CRTC1: variants seen among roughly 807,000 people sequenced by gnomAD.
CRTC1 encodes the protein CREB-regulated transcription coactivator 1.
A neutral mutation model predicts 66.1 loss-of-function variants in CRTC1; 18 were observed. That is an observed-to-expected ratio of 0.27 (90% CI 0.19 to 0.40). The LOEUF is 0.40. CRTC1 is among the 10% of genes least tolerant of loss of function. The probability of loss-of-function intolerance (pLI) is 1.00; values close to 1 mark genes in which losing one functional copy is unlikely to be tolerated. For missense variants in CRTC1, 669 were observed against 887.9 expected (o/e 0.75, Z 3.13); for synonymous variants, 416 against 398.8 (o/e 1.04, Z -0.51).
intron 6 of CRTC1, among the ~76,000 whole-genome samples, chr19:18,758,237 G>A (rs1320010480): frequency 1.3e-5 from 2 of 150,696 alleles, no homozygotes; most frequent in East Asian, 3.9e-4. Context: ...GCGGGCACCT[G>A]TAGTCCCAGC....
At chr19:18,747,950 G>A (rs1457311301) in intron 4 of CRTC1, among the ~76,000 whole-genome samples, 1 of 151,948 alleles carries the variant, frequency 6.6e-6, no homozygotes, top group African/African-American at 2.4e-5. Flanking sequence ...AGTAGTGCAC[G>A]CCTGTACTCC....
In CRTC1 at chr19:18,768,855, G is replaced by A. The variant is rs2054799059; in HGVS notation, c.1320+62G>A. 1.5e-5 allele frequency: 23 copies of A among 1,514,454 alleles called. No homozygotes were observed. The South Asian group carries it at 2.7e-4, about 18-fold the overall frequency. 93.8% of individuals were successfully genotyped at this position (1,514,454 alleles called of 1,614,324 possible). ...GGGTCTTGTAGAGGACAGCCCGGGG[G>A]CTGCAGAACAGTCGGGTTACCTGCT... On this transcript the variant is annotated intron_variant, in intron 10 of 13. Coordinates refer to ENST00000321949, the MANE Select transcript of CRTC1 (RefSeq NM_015321.3). The surrounding 1 kb of genome is among the most constrained non-coding windows in gnomAD (Gnocchi z 5.6).
chr19:18,700,167 T>G (rs2053098813), intron 1 of CRTC1, among the ~76,000 whole-genome samples: 1 of 152,150 alleles, frequency 6.6e-6, no homozygotes, highest in Admixed American at 6.5e-5. Context: ...AATTCCCCCT[T>G]CTCTGTACTT....
At chr19:18,690,972 G>A (rs2052816705) in intron 1 of CRTC1, among the ~76,000 whole-genome samples, 1 of 149,650 alleles carries the variant, frequency 6.7e-6, no homozygotes, top group Admixed American at 6.7e-5. Flanking sequence ...CTTGCAGTGA[G>A]CCGAGATCAC....
chr19:18,762,351 C>T (rs1006928990), intron 8 of CRTC1, among the ~76,000 whole-genome samples: 1 of 152,230 alleles, frequency 6.6e-6, no homozygotes, highest in Admixed American at 6.5e-5. Context: ...GTTTGTGAAC[C>T]TGCCGCCCAA....
intron 1 of CRTC1, among the ~76,000 whole-genome samples, chr19:18,685,461 A>T (rs780576154): frequency 6.6e-5 from 10 of 152,190 alleles, no homozygotes; most frequent in Non-Finnish European, 1.5e-4. Context: ...GTTCGAGACC[A>T]GCCTGGCCAA....
At chr19:18,763,416 G>T (rs1325195859) in intron 8 of CRTC1, among the ~76,000 whole-genome samples, 1 of 152,114 alleles carries the variant, frequency 6.6e-6, no homozygotes, top group Non-Finnish European at 1.5e-5. Context: ...TATTCAGGAC[G>T]GTCACCCTGT....
In CRTC1 at chr19:18,779,717, C is replaced by G. The variant is rs1259465924; in HGVS notation, c.*2335C>G. On this transcript the variant is annotated 3_prime_UTR_variant, in exon 14 of 14. Coordinates refer to ENST00000321949, the MANE Select transcript of CRTC1 (RefSeq NM_015321.3). The stretch of plus-strand genomic sequence containing the variant: ...GAGGGATGCCCACCTCGGAGCATCC[C>G]AGGCCCGTGGCCCATTTTCAGCATC... 1 of 224,128 alleles carries G rather than the reference C, an allele frequency of 4.5e-6. No individual in the cohort carries two copies. The highest frequency in any genetic ancestry group is 8.9e-6 in the Non-Finnish European group (1 of 112,440). 13.9% of individuals were successfully genotyped at this position (224,128 alleles called of 1,614,324 possible).
At chr19:18,770,010 C>T (rs1239883324) in intron 10 of CRTC1, among the ~76,000 whole-genome samples, 6 of 150,918 alleles carry the variant, frequency 4.0e-5, no homozygotes, top group Admixed American at 6.6e-5. Flanking sequence ...CGCCACCCCC[C>T]GCCCTACCCC....
rs374203243 is a variant in CRTC1 at position 18,693,054 on chromosome 19, G to A, written c.126+9226G>A. Among the ~76,000 whole-genome samples, 648 of 123,444 alleles carry A rather than the reference G, an allele frequency of 5.2e-3. 5 individuals carry two copies. The highest frequency in any genetic ancestry group is 0.02 in the African/African-American group (610 of 30,106). The allele number at this position is 123,444 out of a possible 152,430, so 81.0% of individuals were successfully genotyped here. On this transcript the variant is annotated intron_variant, in intron 1 of 13. Coordinates refer to ENST00000321949, the MANE Select transcript of CRTC1 (RefSeq NM_015321.3). ...AGTGCCACTGTACTCCAGCCTGGGC[G>A]ACAGAGCGAGACTCCGTCTCAAAAA...
intron 1 of CRTC1, among the ~76,000 whole-genome samples, chr19:18,704,126 T>G (rs1568485723): frequency 6.6e-6 from 1 of 152,224 alleles, no homozygotes; most frequent in Non-Finnish European, 1.5e-5. Flanking sequence ...TTTATATTTT[T>G]TCTTTTTTTA....
chr19:18,764,530 C>G (rs866739049), intron 8 of CRTC1, among the ~76,000 whole-genome samples: 2 of 152,248 alleles, frequency 1.3e-5, no homozygotes, highest in African/African-American at 4.8e-5. Flanking sequence ...AGCTTCATCA[C>G]TGCAGCAGAA....
rs751862704 is a variant in CRTC1, at chr19:18,768,781, C to G, written c.1308C>G (p.Ile436Met). The G allele has an allele frequency of 1.9e-6, 3 of 1,600,998 alleles. No homozygotes were observed. Among genetic ancestry groups the G allele is most frequent in the East Asian group, 4.5e-5 (2 of 44,348 alleles). The change falls in exon 10 of 14, where the codon ATC becomes ATG. Residue 436 changes from isoleucine to methionine, a missense_variant. By Grantham distance (10) the Ile-to-Met change is conservative. Around this residue, in one of 8 missense-constraint regions of CRTC1, gnomAD observed 241 missense variants for 242.2 expected, o/e 0.99. Coordinates refer to ENST00000321949, the MANE Select transcript of CRTC1 (RefSeq NM_015321.3). The surrounding 1 kb of genome is among the most constrained non-coding windows in gnomAD (Gnocchi z 5.6). Reference sequence around the variant, plus strand: ...ACCCTGGCCAGCCATCGATGGGGATCGACATCGCCTCGGTAAGCCCAGGGT... The same window carrying G: ...ACCCTGGCCAGCCATCGATGGGGATGGACATCGCCTCGGTAAGCCCAGGGT... ...PENPGQPSMG[I>M]DIASAPALQQ... is the part of the protein sequence containing the mutation.
At chr19:18,775,013 G>A (rs199917103) in intron 12 of CRTC1, 27 bp downstream of exon 12, 21 of 1,595,760 alleles carry the variant, frequency 1.3e-5, no homozygotes, top group African/African-American at 1.2e-4. Flanking sequence ...GCTGCCAGCC[G>A]GCCGGTGCCC....
chr19:18,747,867 AG>A (rs1255499542), intron 4 of CRTC1, among the ~76,000 whole-genome samples: 2 of 152,176 alleles, frequency 1.3e-5, no homozygotes, highest in Non-Finnish European at 2.9e-5. Flanking sequence ...AGTTGAACCC[AG>A]GAGTTGAAGA....
chr19:18,713,546 T>TGCACCCTTAGGCGTCCTCCTTGTGCCCC (rs1555778328), intron 1 of CRTC1, among the ~76,000 whole-genome samples: 2 of 150,084 alleles, frequency 1.3e-5, no homozygotes, highest in Non-Finnish European at 3.0e-5. Flanking sequence ...GCTGAGGCCC[T>TGCACCCTTAGGCGTCCTCCTTGTGCCCC]GCACCCTTAG....
chr19:18,729,228 A>G (rs1568504120), intron 1 of CRTC1, among the ~76,000 whole-genome samples: 1 of 149,932 alleles, frequency 6.7e-6, no homozygotes, highest in African/African-American at 2.4e-5. Flanking sequence ...GATCGAGACC[A>G]TCCTGGCTAA....
chr19:18,697,594 G>A (rs940089614), intron 1 of CRTC1, among the ~76,000 whole-genome samples: 13 of 152,202 alleles, frequency 8.5e-5, no homozygotes, highest in Non-Finnish European at 1.5e-4. Context: ...ACAGGCATGA[G>A]CCAATGCTCT....
At chr19:18,748,621 G>A (rs1436575915) in intron 4 of CRTC1, among the ~76,000 whole-genome samples, 2 of 149,014 alleles carry the variant, frequency 1.3e-5, no homozygotes, top group Non-Finnish European at 3.0e-5. Context: ...GATCACTAGA[G>A]CTTGGGAGGT....
Sources: gnomAD v4.1 joint callset for allele counts (sites outside exome capture counted in the v4.1 genomes callset) on GRCh38, gnomAD v4.1.1 for gene constraint, gnomAD v4.1.1 regional missense constraint, Gnocchi (gnomAD v3.1) non-coding constraint, MANE v1.5 for transcripts, NCBI Gene and HGNC (gene_info 2026-07-23, HGNC 2026-07-21) for gene names.